Variants in ABCC12 observed in about 807,000 individuals in gnomAD.
The protein encoded by ABCC12 is ATP binding cassette subfamily C member 12, also known as ATP-binding cassette sub-family C member 12.
In ABCC12, 142 loss-of-function variants were observed where a neutral mutation model predicts 151.1. That is an observed-to-expected ratio of 0.94 (90% CI 0.82 to 1.08). The LOEUF is 1.08. ABCC12 is among the 50% of genes least tolerant of loss of function. The pLI, the probability that ABCC12 is intolerant of heterozygous loss-of-function variation, is 0.00. For synonymous variants in ABCC12, 645 were observed against 646.4 expected (o/e 1.00, Z 0.03); for missense variants, 1,638 against 1,691.1 (o/e 0.97, Z 0.55).
Position 48,096,807 on chromosome 16 carries a change from G to T in ABCC12, c.3134C>A (p.Thr1045Asn), listed in dbSNP as rs267604557. The T allele has an allele frequency of 6.2e-7, 1 of 1,613,968 alleles. No individual in the cohort carries two copies. Among genetic ancestry groups the T allele is most frequent in the African/African-American group, 1.3e-5 (1 of 74,890 alleles). Reference sequence around the variant, plus strand: ...AGTACTGATGGAGGAGAAACTCAGGGTCACCAACAAGGCCACAGTGAAGGT... The same window carrying T: ...AGTACTGATGGAGGAGAAACTCAGGTTCACCAACAAGGCCACAGTGAAGGT... The part of the protein sequence containing the change: ...ILTFTVALLV[T>N]LSFSSISTSS... Residue 1045 changes from threonine to asparagine, a missense_variant, in exon 24 of 31, where the codon ACC (threonine) becomes AAC (asparagine). Thr to Asn is a moderately conservative substitution (Grantham distance 65). Coordinates refer to ENST00000311303, the MANE Select transcript of ABCC12 (RefSeq NM_001393797.1).
At chr16:48,123,864 C>G (rs1344712496) in intron 12 of ABCC12, among the ~76,000 whole-genome samples, 1 of 152,252 alleles carries the variant, frequency 6.6e-6, no homozygotes, top group Non-Finnish European at 1.5e-5. Context: ...TCCTTCCACA[C>G]CAAGCTGCCT....
At position 48,117,326 on chromosome 16, in the gene ABCC12, G is replaced by A. The variant is rs753273200; in HGVS notation, c.1720C>T (p.His574Tyr). The change falls in exon 14 of 31, where the codon CAC becomes TAC. Residue 574 changes from histidine to tyrosine, a missense_variant. Physicochemically the swap from His to Tyr is moderately conservative, Grantham distance 83 (BLOSUM62 2). Coordinates refer to ENST00000311303, the MANE Select transcript of ABCC12 (RefSeq NM_001393797.1). Reference sequence around the variant, plus strand: ...TGGAGGCCACAGACGCGGACTGTGTGCTGATACCTGTTGGTGCAAAGCTCA... The same window carrying A: ...TGGAGGCCACAGACGCGGACTGTGTACTGATACCTGTTGGTGCAAAGCTCA... ...GEKYDHQRYQ[H>Y]TVRVCGLQKD... 1.9e-6 allele frequency: 3 copies of A among 1,613,686 alleles called. No individual in the cohort carries two copies. Among genetic ancestry groups the A allele is most frequent in the South Asian group, 2.2e-5 (2 of 90,956 alleles).
At chr16:48,096,347 C>A (rs1219118184) in intron 24 of ABCC12, among the ~76,000 whole-genome samples, 1 of 152,188 alleles carries the variant, frequency 6.6e-6, no homozygotes, top group Admixed American at 6.5e-5. Context: ...TTTTGGGATG[C>A]CTAAATTAAT....
Position 48,086,943 on chromosome 16 carries a change from A to G in ABCC12, c.3636-124T>C, listed in dbSNP as rs960985572. 8 of 800,190 alleles carry G rather than the reference A, an allele frequency of 1.0e-5. No individual in the cohort carries two copies. The African/African-American group carries it at 1.0e-4, about 10-fold the overall frequency. 49.6% of individuals were successfully genotyped at this position (800,190 alleles called of 1,614,324 possible). A position where few individuals can be genotyped will look rare whatever the true frequency, so the allele number is the denominator to read the frequency against. On this transcript the variant is annotated intron_variant, in intron 27 of 30. Transcript: ENST00000311303. ...GTGGCATGTGATGACCTCGTGCTCC[A>G]AGAATAGTGCTCAGTACAGGACAGT...
Position 48,083,783 on chromosome 16 carries a change from G to C in ABCC12, c.4012C>G (p.Pro1338Ala), listed in dbSNP as rs1428901918. Residue 1338 changes from proline to alanine, a missense_variant, in exon 31 of 31, where the codon CCT becomes GCT. By Grantham distance (27) the Pro-to-Ala change is conservative. Coordinates refer to ENST00000311303, the MANE Select transcript of ABCC12 (RefSeq NM_001393797.1). ...TCTGGCTTCTCTGCAAGGACTTCAG[G>C]CTTGTCAAACTCAATCACCTGAAAG... is the stretch of plus-strand genomic sequence containing the variant. ...ENGKVIEFDK[P>A]EVLAEKPDSA... is the part of the protein sequence containing the mutation. 6 of 1,614,178 alleles carry C rather than the reference G, an allele frequency of 3.7e-6. No homozygotes were observed. Among genetic ancestry groups the C allele is most frequent in the South Asian group, 1.1e-5 (1 of 91,080 alleles).
At chr16:48,091,375 T>A in intron 24 of ABCC12, 166 bp from the exon 25 acceptor site, 1 of 637,026 alleles carries the variant, frequency 1.6e-6, no homozygotes, top group Admixed American at 2.6e-5. Context: ...AGTAAAGATA[T>A]TCCTGTTCGG....
chr16:48,091,865 T>G, intron 24 of ABCC12, among the ~76,000 whole-genome samples: 1 of 152,170 alleles, frequency 6.6e-6, no homozygotes, highest in East Asian at 1.9e-4. Flanking sequence ...GAATGCTCTC[T>G]CATTTGGAGA....
intron 24 of ABCC12, among the ~76,000 whole-genome samples, chr16:48,092,871 T>C (rs1166740711): frequency 6.6e-6 from 1 of 152,098 alleles, no homozygotes; most frequent in East Asian, 1.9e-4. Flanking sequence ...ATAAGAATGC[T>C]CTAGTAAGAA....
Position 48,117,438 on chromosome 16 carries a change from G to T in ABCC12, c.1713-105C>A. 9 of 1,242,080 alleles carry T rather than the reference G, an allele frequency of 7.2e-6. No individual in the cohort carries two copies. In the South Asian group the frequency reaches 9.3e-5, roughly 13 times the overall value. 76.9% of individuals were successfully genotyped at this position (1,242,080 alleles called of 1,614,324 possible). A position where few individuals can be genotyped will look rare whatever the true frequency, so the allele number is the denominator to read the frequency against. On this transcript the variant is annotated intron_variant, in intron 13 of 30. Transcript: ENST00000311303. ...CTGGTGTTGCTGGGGCAAGGCCAGG[G>T]GTGGCGGCTGCTATGTCCAAGGCTC... is the stretch of plus-strand genomic sequence containing the variant.
rs775250850 is a variant in ABCC12 at position 48,108,518 on chromosome 16, G to T, written c.2293C>A (p.Gln765Lys). The T allele has an allele frequency of 2.4e-5, 38 of 1,613,914 alleles. No individual in the cohort carries two copies. The Middle Eastern group carries it at 6.6e-4, about 28-fold the overall frequency. The stretch of plus-strand genomic sequence containing the variant: ...TGGGGGGATTCAGTCTGGATGAGCT[G>T]GTGCTCAGGAACTGTGGAGACAAAC... Reference protein sequence around the residue: ...EFVDTKVPEHQLIQTESPQEG... With the variant: ...EFVDTKVPEHKLIQTESPQEG... The change falls in exon 19 of 31, where the codon CAG becomes AAG. Residue 765 changes from glutamine to lysine, a missense_variant. Transcript: ENST00000311303.
Position 48,115,593 on chromosome 16 carries a change from G to A in ABCC12, c.1811C>T (p.Ser604Phe). Reference sequence around the variant, plus strand: ...GCTAATCCTCTGCCTCTGCCCCCCAGAGAGGTTGAGGCCCCGCTCCCCAAT... The same window carrying A: ...GCTAATCCTCTGCCTCTGCCCCCCAAAGAGGTTGAGGCCCCGCTCCCCAAT... ...TEIGERGLNL[S>F]GGQRQRISLA... The change falls in exon 15 of 31, where the codon TCT becomes TTT. Residue 604 changes from serine (S) to phenylalanine (F), a missense_variant. Ser to Phe is a radical substitution (Grantham distance 155). Coordinates refer to ENST00000311303, the MANE Select transcript of ABCC12 (RefSeq NM_001393797.1). 1 of 1,614,004 alleles carries A rather than the reference G, an allele frequency of 6.2e-7. No homozygotes were observed. The highest frequency in any genetic ancestry group is 8.5e-7 in the Non-Finnish European group (1 of 1,179,938).
intron 2 of ABCC12, among the ~76,000 whole-genome samples, chr16:48,148,237 C>CAA (rs113758072): frequency 5.7e-5 from 7 of 123,156 alleles, no homozygotes; most frequent in Non-Finnish European, 3.6e-5. Flanking sequence ...CGTGAGTCAC[C>CAA]AAAAAAAAAA....
chr16:48,097,815 A>T (rs1963155901), intron 23 of ABCC12, among the ~76,000 whole-genome samples: 1 of 152,124 alleles, frequency 6.6e-6, no homozygotes, highest in Non-Finnish European at 1.5e-5. Flanking sequence ...AGCAACTCCT[A>T]CCGATGCAGC....
At chr16:48,104,853 T>C (rs1963432555) in intron 21 of ABCC12, among the ~76,000 whole-genome samples, 1 of 152,214 alleles carries the variant, frequency 6.6e-6, no homozygotes, top group South Asian at 2.1e-4. Context: ...CTCAGGGCTC[T>C]TTGGAGCAGG....
intron 13 of ABCC12, 90 bp downstream of exon 13, chr16:48,121,626 C>A: frequency 6.6e-7 from 1 of 1,505,520 alleles, no homozygotes; most frequent in South Asian, 1.2e-5. Context: ...ACTCAGAACC[C>A]ACTTAGCAGT....
intron 20 of ABCC12, 125 bp from the exon 21 acceptor site, chr16:48,105,461 C>T: frequency 4.2e-6 from 4 of 946,050 alleles, no homozygotes; most frequent in Non-Finnish European, 4.8e-6. Context: ...TTGAATGAGT[C>T]AGGTGGATAC....
chr16:48,111,321 T>C, intron 18 of ABCC12, 115 bp downstream of exon 18: 1 of 1,275,530 alleles, frequency 7.8e-7, no homozygotes, highest in Admixed American at 1.8e-5. Flanking sequence ...CCCTAGACCA[T>C]CCAATTCTGG....
At chr16:48,143,153 TTA>T (rs747549721) in intron 4 of ABCC12, among the ~76,000 whole-genome samples, 1 of 152,220 alleles carries the variant, frequency 6.6e-6, no homozygotes, top group Non-Finnish European at 1.5e-5. Flanking sequence ...ATAATGATGT[TTA>T]AAGTAAAACA....
chr16:48,154,933 C>G (rs1965164090), intron 1 of ABCC12, among the ~76,000 whole-genome samples: 1 of 152,260 alleles, frequency 6.6e-6, no homozygotes, highest in Non-Finnish European at 1.5e-5. Context: ...ATCTGATGGT[C>G]TCCCCCAACT....
Sources: gnomAD v4.1 joint callset for allele counts (sites outside exome capture counted in the v4.1 genomes callset) on GRCh38, gnomAD v4.1.1 for gene constraint, MANE v1.5 for transcripts, NCBI Gene and HGNC (gene_info 2026-07-23, HGNC 2026-07-21) for gene names.